Variants in C2orf78 observed in about 807,000 individuals in gnomAD.
The protein encoded by C2orf78 is chromosome 2 open reading frame 78.
Under a neutral mutation model 21.4 loss-of-function variants are expected in C2orf78, and 12 were observed. That is an observed-to-expected ratio of 0.56 (90% CI 0.36 to 0.91). The LOEUF is 0.91. C2orf78 is among the 40% of genes least tolerant of loss of function. The pLI, the probability that C2orf78 is intolerant of heterozygous loss-of-function variation, is 0.01. For missense variants in C2orf78, 1,042 were observed against 1,092.4 expected (o/e 0.95, Z 0.65); for synonymous variants, 396 against 413.9 (o/e 0.96, Z 0.52).
intron 1 of C2orf78, among the ~76,000 whole-genome samples, chr2:73,808,068 C>G (rs780858174): frequency 1.3e-5 from 2 of 151,118 alleles, no homozygotes; most frequent in Non-Finnish European, 2.9e-5. Context: ...TCCTGGCTAA[C>G]AGGGTGAAAC....
chr2:73,786,500 T>A (rs1371255985), intron 1 of C2orf78, among the ~76,000 whole-genome samples: 1 of 96,710 alleles, frequency 1.0e-5, no homozygotes, highest in Non-Finnish European at 2.1e-5. Flanking sequence ...CACACGTAAA[T>A]CATTAGCAAC....
exon 2 of C2orf78, chr2:73,813,793 G>C: frequency 6.2e-7 from 1 of 1,613,928 alleles, no homozygotes; most frequent in African/African-American, 1.3e-5. Flanking sequence ...CAGTAAAGAA[G>C]TCATCCTCAC....
rs1673166955 is a variant in C2orf78 at position 73,815,252 on chromosome 2, T to G, written c.1029T>G (p.Thr343=). The stretch of plus-strand genomic sequence containing the variant: ...CAATAACTCCAGTCCAGAGTCCTAC[T>G]AATCTCTTGACACTGTCTCCAGCTC... The change falls in exon 3 of 3, where the codon ACT becomes ACG. Residue 343 remains threonine (T), a synonymous_variant. Coordinates refer to ENST00000409561, the Ensembl canonical transcript of C2orf78. The G allele has an allele frequency of 2.5e-6, 4 of 1,613,952 alleles. No individual in the cohort carries two copies. The East Asian group carries it at 8.9e-5, about 36-fold the overall frequency.
chr2:73,798,191 C>T (rs1278226671), intron 1 of C2orf78, among the ~76,000 whole-genome samples: 1 of 133,134 alleles, frequency 7.5e-6, no homozygotes. Context: ...CGCGGTGGCT[C>T]CCGCCTGTAA....
intron 2 of C2orf78, 37 bp from the exon 3 acceptor site, chr2:73,815,034 T>A: frequency 6.4e-7 from 1 of 1,569,690 alleles, no homozygotes; most frequent in South Asian, 1.2e-5. Context: ...AGCATCTCAC[T>A]TACCAGGGAC....
chr2:73,816,819 G>A, exon 3 of C2orf78: 1 of 1,614,040 alleles, frequency 6.2e-7, no homozygotes, highest in Non-Finnish European at 8.5e-7. Flanking sequence ...TCCTGAGCCA[G>A]TAATGTCAAC....
rs767369918 is a variant in C2orf78, at chr2:73,813,464, T to C, written c.98-13T>C. ...TCTCATCGGTTTTTTCATCTCTCTC[T>C]TGTTTCCTACAGAATATTTCCAAAA... On this transcript the variant is annotated splice_polypyrimidine_tract_variant and intron_variant, in intron 1 of 2. Transcript: ENST00000409561. 7 of 1,569,674 alleles carry C rather than the reference T, an allele frequency of 4.5e-6. No individual in the cohort carries two copies. Among genetic ancestry groups the C allele is most frequent in the Non-Finnish European group, 6.0e-6 (7 of 1,160,908 alleles).
At chr2:73,814,450 C>T (rs1673151744) in intron 2 of C2orf78, among the ~76,000 whole-genome samples, 1 of 152,180 alleles carries the variant, frequency 6.6e-6, no homozygotes, top group Admixed American at 6.5e-5. Flanking sequence ...AAGAGAATCG[C>T]AAGAGCATAC....
At chr2:73,810,253 G>A (rs1334733550) in intron 1 of C2orf78, among the ~76,000 whole-genome samples, 5 of 151,800 alleles carry the variant, frequency 3.3e-5, no homozygotes, top group South Asian at 4.2e-4. Context: ...TTTAGAGGCC[G>A]GGCAGGATGG....
exon 3 of C2orf78, chr2:73,816,223 C>A: frequency 1.2e-6 from 2 of 1,613,908 alleles, no homozygotes; most frequent in Non-Finnish European, 8.5e-7. Context: ...AACCGCCAGC[C>A]ATTCCCAGCT....
intron 1 of C2orf78, among the ~76,000 whole-genome samples, chr2:73,810,969 C>CATATATATATAT (rs35395110): frequency 2.9e-5 from 4 of 136,130 alleles, no homozygotes; most frequent in African/African-American, 1.1e-4. Context: ...ATGTATATTT[C>CATATATATATAT]ATATATATAT....
chr2:73,786,450 G>T (rs1017703692), intron 1 of C2orf78, among the ~76,000 whole-genome samples: 3 of 124,708 alleles, frequency 2.4e-5, no homozygotes, highest in Non-Finnish European at 3.3e-5. Context: ...CAAGGAAAAT[G>T]ATTATATCCA....
intron 2 of C2orf78, among the ~76,000 whole-genome samples, chr2:73,814,522 T>G (rs1673153643): frequency 6.6e-6 from 1 of 152,222 alleles, no homozygotes; most frequent in Admixed American, 6.5e-5. Context: ...CGCTGTAATG[T>G]CCTTCCTTAA....
rs1314403755 is a variant in C2orf78, at chr2:73,807,895, G to A, written c.98-5582G>A. Among the ~76,000 whole-genome samples, 13 of 150,246 alleles carry A rather than the reference G, an allele frequency of 8.7e-5. 2 individuals are homozygous for A. Among genetic ancestry groups the A allele is most frequent in the African/African-American group, 3.2e-4 (13 of 40,012 alleles). On this transcript the variant is annotated intron_variant, in intron 1 of 2. Coordinates refer to ENST00000409561, the Ensembl canonical transcript of C2orf78. Reference sequence around the variant, plus strand: ...TGGACCACATCATTTCCTACAAGGGGCAATCAACAAACTTTGCTGTTCAAG... The same window carrying A: ...TGGACCACATCATTTCCTACAAGGGACAATCAACAAACTTTGCTGTTCAAG...
chr2:73,816,324 G>A (rs775297757), exon 3 of C2orf78: 9 of 1,613,864 alleles, frequency 5.6e-6, no homozygotes, highest in Non-Finnish European at 1.7e-6. Flanking sequence ...TGCTGAAAAA[G>A]AGTGTACATC....
In C2orf78 at chr2:73,815,694, GT is replaced by G; in HGVS notation, c.1472del (p.Val491AlafsTer2). 1.2e-6 allele frequency: 2 copies of G among 1,613,860 alleles called. No individual in the cohort carries two copies. The highest frequency in any genetic ancestry group is 1.7e-6 in the Non-Finnish European group (2 of 1,179,824). On this transcript the variant is annotated frameshift_variant, in exon 3 of 3. Coordinates refer to ENST00000409561, the Ensembl canonical transcript of C2orf78. LOFTEE classifies it low-confidence loss of function (END_TRUNC). ...AAATCAGGTGCAGGAAAAGTCATGT[GT>G]CATAAAGGGTCACTCTGATCAAGTC...
chr2:73,809,655 G>T (rs570550597), intron 1 of C2orf78, among the ~76,000 whole-genome samples: 1 of 152,170 alleles, frequency 6.6e-6, no homozygotes, highest in African/African-American at 2.4e-5. Context: ...AGGGTTGGGG[G>T]TGTGCCAGCT....
exon 3 of C2orf78, chr2:73,816,993 G>T: frequency 6.2e-7 from 1 of 1,602,794 alleles, no homozygotes; most frequent in Admixed American, 1.7e-5. Flanking sequence ...CACAATCTAA[G>T]AGCTGAGATT....
At position 73,808,353 on chromosome 2, in the gene C2orf78, C is replaced by T. The variant is rs189655751; in HGVS notation, c.98-5124C>T. 3.9e-3 allele frequency among the ~76,000 whole-genome samples: 597 copies of T among 151,256 alleles called. 37 individuals are homozygous for T. The highest frequency in any genetic ancestry group is 0.014 in the African/African-American group (573 of 40,588). On this transcript the variant is annotated intron_variant, in intron 1 of 2. Transcript: ENST00000409561. ...TGTAATTGCTCAACTTAGACATCCC[C>T]TTCCTTTCTCCCCAAGGATATTGTG...
Sources: allele counts gnomAD v4.1 joint callset (sites outside exome capture counted in the v4.1 genomes callset), GRCh38; gene constraint gnomAD v4.1.1; transcripts MANE v1.5; gene names NCBI Gene and HGNC (gene_info 2026-07-23, HGNC 2026-07-21).